Variants in ANGEL2 observed in about 807,000 individuals in gnomAD.
ANGEL2 encodes RNA 2',3'-cyclic phosphatase ANGEL2.
A neutral mutation model predicts 66.0 loss-of-function variants in ANGEL2; 41 were observed. The observed-to-expected ratio is 0.62, with a 90% CI of 0.48 to 0.81. The LOEUF is 0.81. ANGEL2 is among the 30% of genes least tolerant of loss of function. The probability of loss-of-function intolerance (pLI) is 0.00; values close to 1 mark genes in which losing one functional copy is unlikely to be tolerated. For synonymous variants in ANGEL2, 208 were observed against 226.5 expected, an observed-to-expected ratio of 0.92 and a Z score of 0.73; for missense variants, 561 against 641.6, an observed-to-expected ratio of 0.87 and a Z score of 1.36.
chr1:212,996,919 G>A (rs1172592114), intron 8 of ANGEL2, among the ~76,000 whole-genome samples: 2 of 152,018 alleles, frequency 1.3e-5, no homozygotes, highest in African/African-American at 2.4e-5. Flanking sequence ...CTGGAGGGTA[G>A]GACTGCTAAT....
intron 8 of ANGEL2, among the ~76,000 whole-genome samples, 162 bp downstream of exon 8, chr1:212,996,993 A>G (rs1399614678): frequency 1.3e-5 from 2 of 152,176 alleles, no homozygotes; most frequent in Non-Finnish European, 2.9e-5. Context: ...CAAGTAATCA[A>G]CTGATTTATT....
chr1:213,013,541 T>G (rs1185628978), intron 1 of ANGEL2, 123 bp from the exon 2 acceptor site: 1 of 905,022 alleles, frequency 1.1e-6, no homozygotes, highest in East Asian at 2.6e-5. Context: ...GCTAAATCTG[T>G]GAAGGATGAA....
chr1:213,010,571 C>CAA (rs11339532), intron 2 of ANGEL2, among the ~76,000 whole-genome samples: 1,139 of 110,878 alleles, frequency 0.01, 37 homozygotes, highest in East Asian at 0.081. Flanking sequence ...GCCTTCGTCT[C>CAA]AAAAAAAAAA....
chr1:213,004,283 A>T (rs1307258620), intron 5 of ANGEL2, among the ~76,000 whole-genome samples: 1 of 152,174 alleles, frequency 6.6e-6, no homozygotes, highest in Non-Finnish European at 1.5e-5. Context: ...CTGAAGATGA[A>T]ATGATCTAAA....
At chr1:213,004,776 G>C (rs886981402) in intron 5 of ANGEL2, among the ~76,000 whole-genome samples, 26 of 148,518 alleles carry the variant, frequency 1.8e-4, no homozygotes, top group African/African-American at 6.4e-4. Context: ...GCTGAGGCAG[G>C]AGAATCACTT....
chr1:213,011,573 T>A, intron 2 of ANGEL2: 1 of 632,890 alleles, frequency 1.6e-6, no homozygotes, highest in Non-Finnish European at 2.0e-6. Context: ...GTACCTACTA[T>A]GAAGCCAACA....
rs765456910 is a variant in ANGEL2 at position 213,005,217 on chromosome 1, C to T, written c.950G>A (p.Arg317Gln). The change falls in exon 5 of 9, where the codon CGA becomes CAA. Residue 317 changes from arginine to glutamine, a missense_variant. By Grantham distance (43) the Arg-to-Gln change is conservative. Coordinates refer to ENST00000366962, the MANE Select transcript of ANGEL2 (RefSeq NM_144567.5). ...CAATTGCGTCAGCTTAATATCACCT[C>T]GCCTTGGATTATACAACAGATGCGT... Reference protein sequence around the residue: ...ANTHLLYNPRRGDIKLTQLAM... With the variant: ...ANTHLLYNPRQGDIKLTQLAM... The T allele has an allele frequency of 3.7e-6, 6 of 1,614,230 alleles. No homozygotes were observed. The highest frequency in any genetic ancestry group is 1.7e-5 in the Admixed American group (1 of 60,028).
At chr1:213,005,852 G>A (rs1312045969) in intron 4 of ANGEL2, among the ~76,000 whole-genome samples, 2 of 151,836 alleles carry the variant, frequency 1.3e-5, no homozygotes, top group Non-Finnish European at 2.9e-5. Flanking sequence ...CCAACCTCAG[G>A]GCCTTTCCCT....
intron 6 of ANGEL2, 25 bp downstream of exon 6, chr1:213,000,761 G>C: frequency 6.3e-7 from 1 of 1,586,462 alleles, no homozygotes; most frequent in Non-Finnish European, 8.5e-7. Flanking sequence ...CCAGCAGACT[G>C]CCAAAATGTA....
intron 6 of ANGEL2, 185 bp downstream of exon 6, chr1:213,000,601 A>G (rs1023721654): frequency 1.1e-5 from 8 of 760,558 alleles, no homozygotes; most frequent in African/African-American, 7.2e-5. Context: ...TCATGCACAG[A>G]TAATTCTGGA....
Position 213,010,739 on chromosome 1 carries a change from C to G in ANGEL2, c.386-2273G>C, listed in dbSNP as rs375289249. Reference sequence around the variant, plus strand: ...AGCTATCATCACAGATGGAGCACTACCCTGGTTTCACTGCCATATTAAAAT... The same window carrying G: ...AGCTATCATCACAGATGGAGCACTAGCCTGGTTTCACTGCCATATTAAAAT... On this transcript the variant is annotated intron_variant, in intron 2 of 8. Transcript: ENST00000366962. 1.2e-4 allele frequency among the ~76,000 whole-genome samples: 18 copies of G among 152,240 alleles called. No individual in the cohort carries two copies. The East Asian group carries it at 3.1e-3, about 26-fold the overall frequency.
intron 5 of ANGEL2, among the ~76,000 whole-genome samples, chr1:213,004,634 C>T (rs975013798): frequency 5.3e-5 from 8 of 151,922 alleles, no homozygotes; most frequent in Non-Finnish European, 7.4e-5. Context: ...CTTTGGGAGG[C>T]CGAAGCAGGT....
In ANGEL2 at chr1:213,011,139, A is replaced by G. The variant is rs1303503020; in HGVS notation, c.385+1954T>C. 3.2e-6 allele frequency: 4 copies of G among 1,249,780 alleles called. No individual in the cohort carries two copies. The African/African-American group carries it at 4.6e-5, about 15-fold the overall frequency. The allele number at this position is 1,249,780 out of a possible 1,614,324, so 77.4% of individuals were successfully genotyped here. On this transcript the variant is annotated intron_variant, in intron 2 of 8. Coordinates refer to ENST00000366962, the MANE Select transcript of ANGEL2 (RefSeq NM_144567.5). Reference sequence around the variant, plus strand: ...ATGGAAGACAATTTGAAAACCACTGATAAGAGTGGATAGTCTCTGGCCTTC... The same window carrying G: ...ATGGAAGACAATTTGAAAACCACTGGTAAGAGTGGATAGTCTCTGGCCTTC...
chr1:213,007,852 T>A (rs2076379601), intron 3 of ANGEL2, among the ~76,000 whole-genome samples: 1 of 146,868 alleles, frequency 6.8e-6, no homozygotes, highest in African/African-American at 2.5e-5. Context: ...TTAACCCAAC[T>A]TTTTCTTTCT....
intron 7 of ANGEL2, among the ~76,000 whole-genome samples, chr1:212,997,951 G>A (rs1370666260): frequency 6.6e-6 from 1 of 151,964 alleles, no homozygotes; most frequent in Non-Finnish European, 1.5e-5. Context: ...CTAAGTTCTA[G>A]GCAATATGTC....
At chr1:212,995,785 G>A (rs1341117138) in intron 8 of ANGEL2, among the ~76,000 whole-genome samples, 3 of 151,892 alleles carry the variant, frequency 2.0e-5, no homozygotes, top group Non-Finnish European at 4.4e-5. Context: ...CATCTCGTGA[G>A]TGTTACTAAT....
At chr1:213,010,534 T>A (rs1429069139) in intron 2 of ANGEL2, among the ~76,000 whole-genome samples, 1 of 150,316 alleles carries the variant, frequency 6.7e-6, no homozygotes. Flanking sequence ...ATTGCGCCAT[T>A]GCACTCCAGC....
chr1:212,995,206 G>A lies in ANGEL2; in HGVS notation c.1484-14C>T, dbSNP rs772354174. The stretch of plus-strand genomic sequence containing the variant: ...CAACTTCAGCTCCTACATTAAAGAA[G>A]CACACACATATTTAGTAAAATTGTC... On this transcript the variant is annotated splice_polypyrimidine_tract_variant and intron_variant, in intron 8 of 8. Coordinates refer to ENST00000366962, the MANE Select transcript of ANGEL2 (RefSeq NM_144567.5). 17 of 1,588,418 alleles carry A rather than the reference G, an allele frequency of 1.1e-5. No individual in the cohort carries two copies. The highest frequency in any genetic ancestry group is 5.4e-5 in the Admixed American group (3 of 55,718).
chr1:213,000,551 T>A, intron 6 of ANGEL2, 168 bp from the exon 7 acceptor site: 1 of 765,198 alleles, frequency 1.3e-6, no homozygotes. Context: ...TTAGGAAAAA[T>A]AGAAAAATGC....
Sources: allele counts gnomAD v4.1 joint callset (sites outside exome capture counted in the v4.1 genomes callset), GRCh38; gene constraint gnomAD v4.1.1; transcripts MANE v1.5; gene names NCBI Gene and HGNC (gene_info 2026-07-23, HGNC 2026-07-21).